The following TOP2A variants were observed in gnomAD, a reference collection of about 807,000 sequenced individuals.
TOP2A encodes the protein DNA topoisomerase II alpha, also known as DNA topoisomerase 2-alpha.
Under a neutral mutation model 187.2 loss-of-function variants are expected in TOP2A, and 68 were observed. That is an observed-to-expected ratio of 0.36 (90% CI 0.30 to 0.44). TOP2A has a LOEUF of 0.44. Ranked by LOEUF, TOP2A falls within the 20% of genes least tolerant of loss-of-function variation. The probability of loss-of-function intolerance (pLI) is 1.00; values close to 1 mark genes in which losing one functional copy is unlikely to be tolerated. For synonymous variants in TOP2A, 542 were observed against 593.2 expected, an observed-to-expected ratio of 0.91 and a Z score of 1.25; for missense variants, 1,196 against 1,808.7, an observed-to-expected ratio of 0.66 and a Z score of 6.14.
At chr17:40,406,070 T>C (rs940341796) in intron 16 of TOP2A, among the ~76,000 whole-genome samples, 1 of 152,100 alleles carries the variant, frequency 6.6e-6, no homozygotes, top group African/African-American at 2.4e-5. Context: ...TCGGCCAATT[T>C]TCGTATTTTT....
rs953150437 is a variant in TOP2A at position 40,406,396 on chromosome 17, A to C, written c.1941T>G (p.Ala647=). Residue 647 remains alanine, a synonymous_variant, in exon 16 of 35, where the codon GCT becomes GCG. Transcript: ENST00000423485. ...QFKYSGPEDD[A]AISLAFSKKQ... Reference sequence around the variant, plus strand: ...AACTCAAACCTACCAGGCTGATAGCAGCATCATCTTCAGGACCAGAATATT... The same window carrying C: ...AACTCAAACCTACCAGGCTGATAGCCGCATCATCTTCAGGACCAGAATATT... The C allele has an allele frequency of 2.5e-6, 4 of 1,612,178 alleles. No homozygotes were observed. The highest frequency in any genetic ancestry group is 2.5e-6 in the Non-Finnish European group (3 of 1,178,758).
chr17:40,403,750 T>G (rs921534920), intron 19 of TOP2A, among the ~76,000 whole-genome samples: 2 of 152,238 alleles, frequency 1.3e-5, no homozygotes, highest in African/African-American at 2.4e-5. Flanking sequence ...TTTTAGTTAT[T>G]GTTCTGTCTC....
At chr17:40,415,936 C>T in intron 4 of TOP2A, 69 bp downstream of exon 4, 1 of 1,103,936 alleles carries the variant, frequency 9.1e-7, no homozygotes, top group South Asian at 1.4e-5. Flanking sequence ...CCAACTTCAC[C>T]AGTAATCAAA....
intron 33 of TOP2A, among the ~76,000 whole-genome samples, chr17:40,390,951 C>T (rs1044089627): frequency 2.6e-5 from 4 of 151,782 alleles, no homozygotes; most frequent in Non-Finnish European, 5.9e-5. Context: ...TTCAAGAATA[C>T]GTTTTACGTT....
rs746498940 is a variant in TOP2A at position 40,390,142 on chromosome 17, G to T, written c.4290C>A (p.Thr1430=). The part of the protein sequence containing the change: ...AAKSQSSTST[T]GAKKRAAPKG... ...TTGGGGCAGCCCTTTTTTTGGCACCGGTAGTGGAGGTGGAAGACTGACCTG... is the reference window on the plus strand; with the variant it reads ...TTGGGGCAGCCCTTTTTTTGGCACCTGTAGTGGAGGTGGAAGACTGACCTG... Residue 1430 remains threonine (T), a synonymous_variant, in exon 34 of 35, where the codon ACC becomes ACA. Coordinates refer to ENST00000423485, the MANE Select transcript of TOP2A (RefSeq NM_001067.4). 1.2e-5 allele frequency: 20 copies of T among 1,612,292 alleles called. No homozygotes were observed. The highest frequency in any genetic ancestry group is 1.7e-5 in the Non-Finnish European group (20 of 1,179,398).
At chr17:40,413,031 A>C in intron 6 of TOP2A, 60 bp from the exon 7 acceptor site, 1 of 1,432,072 alleles carries the variant, frequency 7.0e-7, no homozygotes, top group Non-Finnish European at 9.6e-7. Context: ...ACTGGAAGTA[A>C]ATAACATAAA....
At chr17:40,414,564 G>T (rs1567791213) in intron 4 of TOP2A, among the ~76,000 whole-genome samples, 1 of 152,056 alleles carries the variant, frequency 6.6e-6, no homozygotes, top group Admixed American at 6.5e-5. Flanking sequence ...ATAAAAACAG[G>T]CTGGGCGCAG....
rs1350598912 is a variant in TOP2A, at chr17:40,398,607, G to T, written c.3488C>A (p.Pro1163Gln). The part of the protein sequence containing the change: ...QELDTLKRKS[P>Q]SDLWKEDLAT... ...CAAGTCTTCTTTCCACAAATCTGAT[G>T]GACTCTTTCTTTTTAATGTGTCCAG... The change falls in exon 27 of 35, where the codon CCA (proline) becomes CAA (glutamine). Residue 1163 changes from proline (P) to glutamine (Q), a missense_variant. By Grantham distance (76) the Pro-to-Gln change is moderately conservative. This residue lies in a region of TOP2A where 22 missense variants were observed against 21.1 expected (regional missense o/e 1.04). Coordinates refer to ENST00000423485, the MANE Select transcript of TOP2A (RefSeq NM_001067.4). The T allele has an allele frequency of 2.9e-5, 47 of 1,593,638 alleles. No homozygotes were observed. Among genetic ancestry groups the T allele is most frequent in the Non-Finnish European group, 4.0e-5 (47 of 1,168,554 alleles).
At chr17:40,405,056 C>T (rs2035222092) in intron 16 of TOP2A, among the ~76,000 whole-genome samples, 173 bp from the exon 17 acceptor site, 1 of 150,272 alleles carries the variant, frequency 6.7e-6, no homozygotes, top group South Asian at 2.1e-4. Context: ...ATGGTGTCAT[C>T]TTGGCTCACT....
chr17:40,417,590 A>G (rs2035408353), intron 1 of TOP2A, 181 bp downstream of exon 1: 10 of 1,463,330 alleles, frequency 6.8e-6, no homozygotes, highest in African/African-American at 1.4e-5. Context: ...ATACTTCACT[A>G]CTAGCACCAG....
At chr17:40,412,697 T>C (rs774079522) in intron 7 of TOP2A, 62 bp downstream of exon 7, 41 of 1,388,670 alleles carry the variant, frequency 3.0e-5, no homozygotes, top group Non-Finnish European at 4.0e-5. Flanking sequence ...AAAAATTCAA[T>C]TTTGCACTTG....
rs777983236 is a variant in TOP2A, at chr17:40,416,904, T to C, written c.22-9A>G. 6.4e-6 allele frequency: 10 copies of C among 1,553,644 alleles called. No individual in the cohort carries two copies. The East Asian group carries it at 2.3e-4, about 35-fold the overall frequency. ...ATATTTTCATTTACAGGCTAGCAATTAAAAAAAAAGAGAGAAAGAAGGGAA... is the reference window on the plus strand; with the variant it reads ...ATATTTTCATTTACAGGCTAGCAATCAAAAAAAAAGAGAGAAAGAAGGGAA... On this transcript the variant is annotated splice_polypyrimidine_tract_variant and intron_variant, in intron 1 of 34. Transcript: ENST00000423485.
chr17:40,402,142 G>A (rs1365701427), intron 20 of TOP2A, among the ~76,000 whole-genome samples: 3 of 152,180 alleles, frequency 2.0e-5, no homozygotes, highest in African/African-American at 7.2e-5. Context: ...AAGGAGTCAA[G>A]GGTGACAAGG....
rs745883014 is a variant in TOP2A at position 40,412,847 on chromosome 17, T to C, written c.701A>G (p.Asp234Gly). 1 of 1,613,966 alleles carries C rather than the reference T, an allele frequency of 6.2e-7. No individual in the cohort carries two copies. The highest frequency in any genetic ancestry group is 8.5e-7 in the Non-Finnish European group (1 of 1,179,856). ...TCTTCTGACCATTAGTGCAACAATA[T>C]CTTTGTCCAGGCTTTGCATTTTAAA... The part of the protein sequence containing the change: ...SKFKMQSLDK[D>G]IVALMVRRAY... The change falls in exon 7 of 35, where the codon GAT becomes GGT. Residue 234 changes from aspartate to glycine, a missense_variant. By Grantham distance (94) the Asp-to-Gly change is moderately conservative. Around this residue, in one of 10 missense-constraint regions of TOP2A, gnomAD observed 252 missense variants for 434.8 expected, o/e 0.58. Coordinates refer to ENST00000423485, the MANE Select transcript of TOP2A (RefSeq NM_001067.4).
Position 40,390,040 on chromosome 17 carries a change from G to A in TOP2A, c.4392C>T (p.Arg1464=). ...CATCAGAAGTGGATGGCTTCCTTTT[G>A]CGGCGATTCTTGGTTTTGGCAGGAT... The part of the protein sequence containing the change: ...KPDPAKTKNR[R]KRKPSTSDDS... The change falls in exon 34 of 35, where the codon CGC becomes CGT. Residue 1464 remains arginine (R), a synonymous_variant. Transcript: ENST00000423485. 6.2e-7 allele frequency: 1 copy of A among 1,613,890 alleles called. No individual in the cohort carries two copies. The highest frequency in any genetic ancestry group is 1.7e-5 in the Admixed American group (1 of 59,998).
intron 19 of TOP2A, among the ~76,000 whole-genome samples, chr17:40,403,318 C>T (rs1363543502): frequency 1.2e-4 from 18 of 152,150 alleles, no homozygotes; most frequent in Admixed American, 1.0e-3. Flanking sequence ...AATATTTCCT[C>T]CTTTGTGTTA....
At position 40,408,491 on chromosome 17, in the gene TOP2A, C is replaced by A; in HGVS notation, c.1342+1G>T. 1 of 1,611,450 alleles carries A rather than the reference C, an allele frequency of 6.2e-7. No homozygotes were observed. Among genetic ancestry groups the A allele is most frequent in the Non-Finnish European group, 8.5e-7 (1 of 1,179,026 alleles). ...GTTTGGAAACATTATTAAATATATACCTGCATCATTGGCATCATCGAGTTT... is the reference window on the plus strand; with the variant it reads ...GTTTGGAAACATTATTAAATATATAACTGCATCATTGGCATCATCGAGTTT... On this transcript the variant is annotated splice_donor_variant, in intron 11 of 34. Coordinates refer to ENST00000423485, the MANE Select transcript of TOP2A (RefSeq NM_001067.4). LOFTEE classifies it high-confidence loss of function.
At position 40,392,716 on chromosome 17, in the gene TOP2A, G is replaced by A; in HGVS notation, c.3833C>T (p.Thr1278Ile). The A allele has an allele frequency of 6.2e-7, 1 of 1,611,100 alleles. No individual in the cohort carries two copies. Among genetic ancestry groups the A allele is most frequent in the Non-Finnish European group, 8.5e-7 (1 of 1,179,468 alleles). ...REPGTKTKKQ[T>I]TLAFKPIKKG... Reference sequence around the variant, plus strand: ...TTTGATTGGCTTAAATGCCAATGTAGTTTGTTTCTTTGTCTTTGTACCTAG... The same window carrying A: ...TTTGATTGGCTTAAATGCCAATGTAATTTGTTTCTTTGTCTTTGTACCTAG... Residue 1278 changes from threonine (T) to isoleucine (I), a missense_variant, in exon 30 of 35, where the codon ACT (threonine) becomes ATT (isoleucine). By Grantham distance (89) the Thr-to-Ile change is moderately conservative. Around this residue, in one of 10 missense-constraint regions of TOP2A, gnomAD observed 374 missense variants for 403.3 expected, o/e 0.93. Transcript: ENST00000423485.
rs966164491 is a variant in TOP2A, at chr17:40,391,396, T to C, written c.4267+110A>G. 1.3e-5 allele frequency: 15 copies of C among 1,124,770 alleles called. No homozygotes were observed. In the South Asian group the frequency reaches 2.5e-4, roughly 19 times the overall value. The allele number at this position is 1,124,770 out of a possible 1,614,324, so 69.7% of individuals were successfully genotyped here. A position where few individuals can be genotyped will look rare whatever the true frequency, so the allele number is the denominator to read the frequency against. On this transcript the variant is annotated intron_variant, in intron 33 of 34. Transcript: ENST00000423485. ...AGAAATTGCTTCCAATTGGAAAACA[T>C]TTAATCTGTAATATCAATAGTAAGT...
Sources: gnomAD v4.1 joint callset for allele counts (sites outside exome capture counted in the v4.1 genomes callset) on GRCh38, gnomAD v4.1.1 for gene constraint, gnomAD v4.1.1 regional missense constraint, MANE v1.5 for transcripts, NCBI Gene and HGNC (gene_info 2026-07-23, HGNC 2026-07-21) for gene names.